The following MYBL2 variants were observed in gnomAD, a reference collection of about 807,000 sequenced individuals.
The protein encoded by MYBL2 is myb-related protein B.
In MYBL2, 28 loss-of-function variants were observed where a neutral mutation model predicts 79.9. The observed-to-expected ratio is 0.35, with a 90% CI of 0.26 to 0.48. The LOEUF is 0.48. Ranked by LOEUF, MYBL2 falls within the 20% of genes least tolerant of loss-of-function variation. MYBL2 has a pLI of 0.99. For synonymous variants in MYBL2, 378 were observed against 361.2 expected (o/e 1.05, Z -0.53); for missense variants, 735 against 893.9 (o/e 0.82, Z 2.27).
chr20:43,699,672 G>A, intron 6 of MYBL2, 85 bp from the exon 7 acceptor site: 1 of 1,419,508 alleles, frequency 7.0e-7, no homozygotes, highest in Non-Finnish European at 9.6e-7. Flanking sequence ...TTCCTTCTTA[G>A]ATTCAGGTTG....
intron 9 of MYBL2, among the ~76,000 whole-genome samples, chr20:43,706,916 G>A (rs113334552): frequency 0.013 from 1,906 of 151,134 alleles, 48 homozygotes; most frequent in African/African-American, 0.044. Flanking sequence ...AGGTTTCACC[G>A]TGTTGGTCAG....
intron 6 of MYBL2, among the ~76,000 whole-genome samples, chr20:43,694,608 T>C (rs146023100): frequency 1.5e-3 from 233 of 152,348 alleles, no homozygotes; most frequent in Non-Finnish European, 2.3e-3. Context: ...GAATTTTCAA[T>C]TTTAGAGAAT....
At chr20:43,685,975 TG>T in intron 4 of MYBL2, among the ~76,000 whole-genome samples, 1 of 152,086 alleles carries the variant, frequency 6.6e-6, no homozygotes, top group Middle Eastern at 3.4e-3. Flanking sequence ...AGGCGGAGGT[TG>T]TGGTGAGCCA....
chr20:43,698,231 G>A (rs766892096), intron 6 of MYBL2, among the ~76,000 whole-genome samples: 2 of 150,732 alleles, frequency 1.3e-5, no homozygotes, highest in East Asian at 1.9e-4. Flanking sequence ...TTGTTTGTTC[G>A]TTTGTTTTAT....
At chr20:43,672,435 A>G (rs2145705885) in intron 1 of MYBL2, among the ~76,000 whole-genome samples, 1 of 152,200 alleles carries the variant, frequency 6.6e-6, no homozygotes, top group South Asian at 2.1e-4. Context: ...TACAAAAAAA[A>G]AAAAAATCAA....
At position 43,690,192 on chromosome 20, in the gene MYBL2, G is replaced by T. The variant is rs912958406; in HGVS notation, c.501-1965G>T. 1.6e-3 allele frequency among the ~76,000 whole-genome samples: 222 copies of T among 142,814 alleles called. 2 individuals carry two copies. The highest frequency in any genetic ancestry group is 4.6e-3 in the African/African-American group (182 of 39,512). The allele number at this position is 142,814 out of a possible 152,430, so 93.7% of individuals were successfully genotyped here. Reference sequence around the variant, plus strand: ...TTGTGCCTTCCAAGAGCTGTTTTTTGTTTTTTTTTTTTTGTTTGTTTTTTG... The same window carrying T: ...TTGTGCCTTCCAAGAGCTGTTTTTTTTTTTTTTTTTTTTGTTTGTTTTTTG... On this transcript the variant is annotated intron_variant, in intron 5 of 13. Coordinates refer to ENST00000217026, the MANE Select transcript of MYBL2 (RefSeq NM_002466.4).
At chr20:43,699,356 A>G (rs1377834857) in intron 6 of MYBL2, among the ~76,000 whole-genome samples, 2 of 152,116 alleles carry the variant, frequency 1.3e-5, no homozygotes, top group Admixed American at 1.3e-4. Flanking sequence ...TCTGTGTATT[A>G]CTTCTTTCAT....
intron 12 of MYBL2, 28 bp downstream of exon 12, chr20:43,713,134 G>C: frequency 6.4e-7 from 1 of 1,569,374 alleles, no homozygotes. Flanking sequence ...TGGAACTGTT[G>C]AGTTTTGGAG....
At chr20:43,689,368 G>T (rs1170321793) in intron 5 of MYBL2, among the ~76,000 whole-genome samples, 1 of 152,130 alleles carries the variant, frequency 6.6e-6, no homozygotes, top group Admixed American at 6.6e-5. Flanking sequence ...GGAAACTCTG[G>T]CTTCTTTCCC....
At chr20:43,700,086 C>T (rs1287734457) in intron 7 of MYBL2, 42 bp downstream of exon 7, 1 of 1,592,476 alleles carries the variant, frequency 6.3e-7, no homozygotes, top group Admixed American at 1.7e-5. Context: ...CAGAACACCC[C>T]CAGCAGGAAG....
chr20:43,674,224 T>TCCCCCCCCC (rs149334286), intron 2 of MYBL2, among the ~76,000 whole-genome samples: 1 of 58,204 alleles, frequency 1.7e-5, no homozygotes, highest in African/African-American at 5.3e-5. Context: ...AATCTGTAAC[T>TCCCCCCCCC]CCCCCCACCC....
chr20:43,686,801 G>A, intron 4 of MYBL2, 51 bp from the exon 5 acceptor site: 2 of 1,565,706 alleles, frequency 1.3e-6, no homozygotes, highest in Non-Finnish European at 1.7e-6. Flanking sequence ...GGCTATGGTG[G>A]GGGCGAGAGA....
At chr20:43,713,515 G>A (rs1987961014) in intron 12 of MYBL2, among the ~76,000 whole-genome samples, 1 of 151,730 alleles carries the variant, frequency 6.6e-6, no homozygotes, top group Non-Finnish European at 1.5e-5. Flanking sequence ...AGCCTCCCAA[G>A]TAGCTGGGAT....
Position 43,667,272 on chromosome 20 carries a change from C to G in MYBL2, c.-12C>G, listed in dbSNP as rs1986737943. Reference sequence around the variant, plus strand: ...GCGGGCGGGCGAGCGCGGCGCGGTCCGGGCCGGGGGGATGTCTCGGCGGAC... The same window carrying G: ...GCGGGCGGGCGAGCGCGGCGCGGTCGGGGCCGGGGGGATGTCTCGGCGGAC... On this transcript the variant is annotated 5_prime_UTR_variant, in exon 1 of 14. Coordinates refer to ENST00000217026, the MANE Select transcript of MYBL2 (RefSeq NM_002466.4). The G allele has an allele frequency of 8.2e-7, 1 of 1,224,570 alleles. No individual in the cohort carries two copies. The highest frequency in any genetic ancestry group is 1.0e-6 in the Non-Finnish European group (1 of 983,230). 75.9% of individuals were successfully genotyped at this position (1,224,570 alleles called of 1,614,324 possible).
intron 12 of MYBL2, among the ~76,000 whole-genome samples, chr20:43,714,116 GC>G (rs1227608468): frequency 6.6e-6 from 1 of 152,106 alleles, no homozygotes; most frequent in African/African-American, 2.4e-5. Flanking sequence ...AGTCAGGTGG[GC>G]CTGGGTTTGA....
chr20:43,702,880 A>T lies in MYBL2; in HGVS notation c.1342A>T (p.Thr448Ser), dbSNP rs2145729097. ...CACGCCCAAGAGCACACCTGTTAAG[A>T]CCCTGCCCTTCTCGCCCTCCCAGGT... Reference protein sequence around the residue: ...SLTPKSTPVKTLPFSPSQFLN... With the variant: ...SLTPKSTPVKSLPFSPSQFLN... The change falls in exon 8 of 14, where the codon ACC becomes TCC. Residue 448 changes from threonine to serine, a missense_variant. Thr to Ser is a moderately conservative substitution (Grantham distance 58, BLOSUM62 1). This residue lies in a region of MYBL2 where 243 missense variants were observed against 327.2 expected (regional missense o/e 0.74). Coordinates refer to ENST00000217026, the MANE Select transcript of MYBL2 (RefSeq NM_002466.4). The T allele has an allele frequency of 1.3e-6, 2 of 1,598,190 alleles. No individual in the cohort carries two copies. The highest frequency in any genetic ancestry group is 2.2e-5 in the South Asian group (2 of 90,456).
intron 1 of MYBL2, among the ~76,000 whole-genome samples, chr20:43,669,712 C>T (rs1429610290): frequency 6.6e-6 from 1 of 152,206 alleles, no homozygotes; most frequent in Non-Finnish European, 1.5e-5. Flanking sequence ...CTCTGAGCCT[C>T]AATTTCCGCA....
chr20:43,678,072 G>A (rs1233412582), intron 2 of MYBL2, among the ~76,000 whole-genome samples: 2 of 150,388 alleles, frequency 1.3e-5, no homozygotes, highest in African/African-American at 2.5e-5. Context: ...GGCGGTGCAA[G>A]ATGTGCTTTG....
intron 12 of MYBL2, 114 bp downstream of exon 12, chr20:43,713,220 T>A: frequency 3.5e-6 from 2 of 572,680 alleles, no homozygotes; most frequent in Non-Finnish European, 6.3e-6. Flanking sequence ...AGGGAGGGGC[T>A]ATCAGGGAGG....
Sources: gnomAD v4.1 joint callset for allele counts (sites outside exome capture counted in the v4.1 genomes callset) on GRCh38, gnomAD v4.1.1 for gene constraint, gnomAD v4.1.1 regional missense constraint, MANE v1.5 for transcripts, NCBI Gene and HGNC (gene_info 2026-07-23, HGNC 2026-07-21) for gene names.